Variants in PTPRD observed in about 807,000 individuals in gnomAD.
PTPRD encodes protein tyrosine phosphatase receptor type D.
A neutral mutation model predicts 214.5 loss-of-function variants in PTPRD; 34 were observed. The observed-to-expected ratio is 0.16, with a 90% confidence interval of 0.12 to 0.21. The LOEUF is 0.21. Among genes scored for constraint, PTPRD ranks in the 10% least tolerant of loss-of-function variants. PTPRD has a pLI of 1.00. For synonymous variants in PTPRD, 1,128 were observed against 845.7 expected (o/e 1.33, Z -5.79); for missense variants, 2,545 against 2,398.7 (o/e 1.06, Z -1.27).
intron 44 of PTPRD, among the ~76,000 whole-genome samples, chr9:8,323,448 A>G (rs1275511945): frequency 6.6e-6 from 1 of 152,212 alleles, no homozygotes; most frequent in Non-Finnish European, 1.5e-5. Context: ...ACTGGAAGTA[A>G]TTCACCATTC....
At chr9:10,077,827 T>G (rs1025624316) in intron 3 of PTPRD, among the ~76,000 whole-genome samples, 1 of 137,654 alleles carries the variant, frequency 7.3e-6, no homozygotes, top group African/African-American at 2.6e-5. Flanking sequence ...GGACATGATC[T>G]CTCTTTTTTT....
chr9:8,844,516 T>C (rs2097646628), intron 11 of PTPRD, among the ~76,000 whole-genome samples: 1 of 152,198 alleles, frequency 6.6e-6, no homozygotes, highest in Non-Finnish European at 1.5e-5. Context: ...AAATAAAATA[T>C]CACTCAAAAT....
At chr9:10,149,066 T>C (rs1248901664) in intron 3 of PTPRD, among the ~76,000 whole-genome samples, 1 of 152,166 alleles carries the variant, frequency 6.6e-6, no homozygotes, top group Admixed American at 6.6e-5. Flanking sequence ...CATGAGAATA[T>C]ATGATTCACA....
intron 11 of PTPRD, among the ~76,000 whole-genome samples, chr9:8,977,281 T>C (rs1235120513): frequency 1.3e-5 from 2 of 152,104 alleles, no homozygotes; most frequent in Non-Finnish European, 2.9e-5. Context: ...AGATTCACAA[T>C]TTCAAAGCAT....
intron 10 of PTPRD, among the ~76,000 whole-genome samples, chr9:9,046,722 T>C (rs2099673091): frequency 6.6e-6 from 1 of 152,184 alleles, no homozygotes; most frequent in South Asian, 2.1e-4. Flanking sequence ...TTTGTTATTG[T>C]ATTTGGGAAA....
chr9:9,769,760 G>GC (rs780786158), intron 5 of PTPRD, among the ~76,000 whole-genome samples: 286 of 151,148 alleles, frequency 1.9e-3, no homozygotes, highest in Middle Eastern at 3.4e-3. Context: ...CCCTCCCCTA[G>GC]CCCCCCACCC....
At chr9:9,611,457 T>A (rs997325520) in intron 7 of PTPRD, among the ~76,000 whole-genome samples, 1 of 152,120 alleles carries the variant, frequency 6.6e-6, no homozygotes, top group African/African-American at 2.4e-5. Flanking sequence ...TGCTGAATAT[T>A]TTTGTATATG....
chr9:9,497,926 C>T (rs1232574284), intron 8 of PTPRD, among the ~76,000 whole-genome samples: 1 of 152,166 alleles, frequency 6.6e-6, no homozygotes, highest in Non-Finnish European at 1.5e-5. Flanking sequence ...CATCTATAAA[C>T]TGTGCAGGTC....
chr9:9,984,407 G>C (rs1458837159), intron 4 of PTPRD, among the ~76,000 whole-genome samples: 3 of 152,196 alleles, frequency 2.0e-5, no homozygotes, highest in Non-Finnish European at 4.4e-5. Flanking sequence ...CCTTATTGGA[G>C]AAGATGTAGT....
At chr9:8,428,405 A>G (rs2094829594) in intron 35 of PTPRD, among the ~76,000 whole-genome samples, 1 of 152,166 alleles carries the variant, frequency 6.6e-6, no homozygotes, top group Admixed American at 6.5e-5. Context: ...TTATTTCACA[A>G]AATCGCTCAT....
chr9:9,484,306 A>G (rs978575048), intron 8 of PTPRD, among the ~76,000 whole-genome samples: 8 of 152,262 alleles, frequency 5.3e-5, no homozygotes, highest in Middle Eastern at 3.4e-3. Flanking sequence ...GCATTAAGGT[A>G]TACATATTTT....
chr9:8,709,055 T>C (rs992569922), intron 12 of PTPRD, among the ~76,000 whole-genome samples: 1 of 151,838 alleles, frequency 6.6e-6, no homozygotes, highest in Admixed American at 6.6e-5. Context: ...ACTGATTTCA[T>C]AGAAGTAGAA....
chr9:9,299,336 T>C (rs2134604948), intron 9 of PTPRD, among the ~76,000 whole-genome samples: 1 of 151,824 alleles, frequency 6.6e-6, no homozygotes, highest in Admixed American at 6.6e-5. Flanking sequence ...TCTGGTAACA[T>C]ATTTAATGAT....
At chr9:8,495,757 C>G (rs1350374042) in intron 26 of PTPRD, among the ~76,000 whole-genome samples, 1 of 152,100 alleles carries the variant, frequency 6.6e-6, no homozygotes, top group African/African-American at 2.4e-5. Flanking sequence ...AGTTTACGGT[C>G]AAAAATGCTG....
At chr9:10,433,887 G>T (rs2098699749) in intron 2 of PTPRD, among the ~76,000 whole-genome samples, 1 of 151,684 alleles carries the variant, frequency 6.6e-6, no homozygotes, top group Non-Finnish European at 1.5e-5. Flanking sequence ...CAATTGATCA[G>T]AATACTGTAT....
rs113485332 is a variant in PTPRD, at chr9:9,007,885, G to GTT, written c.-104+10810_-104+10811dup. ...AAGATATGACCCATTTTAGAAAAGT[G>GTT]TTTTTTTTTTTTGTTTTTGAAATTT... On this transcript the variant is annotated intron_variant, in intron 11 of 45. Coordinates refer to ENST00000381196, the MANE Select transcript of PTPRD (RefSeq NM_002839.4). Among the ~76,000 whole-genome samples, 495 of 108,896 alleles carry GTT rather than the reference G, an allele frequency of 4.5e-3. 2 individuals are homozygous for GTT. The highest frequency in any genetic ancestry group is 0.028 in the East Asian group (104 of 3,692). 71.4% of individuals were successfully genotyped at this position (108,896 alleles called of 152,430 possible). A position where few individuals can be genotyped will look rare whatever the true frequency, so the allele number is the denominator to read the frequency against.
At chr9:9,970,438 A>AAAAAAAAG (rs1555411836) in intron 4 of PTPRD, among the ~76,000 whole-genome samples, 7 of 140,384 alleles carry the variant, frequency 5.0e-5, no homozygotes, top group African/African-American at 8.1e-5. Context: ...TCAAAAAAAA[A>AAAAAAAAG]AAAAAGAAAA....
intron 2 of PTPRD, among the ~76,000 whole-genome samples, chr9:10,395,913 A>T (rs1322270619): frequency 6.6e-6 from 1 of 150,390 alleles, no homozygotes; most frequent in Non-Finnish European, 1.5e-5. Flanking sequence ...GTAGCAGAGG[A>T]AGAAGAAGGA....
At chr9:9,102,520 T>G (rs920730048) in intron 10 of PTPRD, among the ~76,000 whole-genome samples, 32 of 152,244 alleles carry the variant, frequency 2.1e-4, no homozygotes, top group Admixed American at 6.5e-5. Context: ...AAGCCAGATT[T>G]GCTCCAAGAG....
Sources: gnomAD v4.1 joint callset for allele counts (sites outside exome capture counted in the v4.1 genomes callset) on GRCh38, gnomAD v4.1.1 for gene constraint, MANE v1.5 for transcripts, NCBI Gene and HGNC (gene_info 2026-07-23, HGNC 2026-07-21) for gene names.